Variants in ABCA12 observed in about 807,000 individuals in gnomAD.
ABCA12 encodes glucosylceramide transporter ABCA12.
In ABCA12, 156 loss-of-function variants were observed where a neutral mutation model predicts 293.5. The ratio of observed to expected loss-of-function variants is 0.53; its 90% confidence interval spans 0.47 to 0.61. The LOEUF (loss-of-function observed/expected upper bound fraction) is 0.61, where lower values mean the gene tolerates loss of function less well. Among genes scored for constraint, ABCA12 ranks in the 20% least tolerant of loss-of-function variants. The pLI is 0.00. For missense variants in ABCA12, 2,797 were observed against 3,090.2 expected (o/e 0.91, Z 2.25); for synonymous variants, 1,063 against 1,108.0 (o/e 0.96, Z 0.81).
intron 1 of ABCA12, among the ~76,000 whole-genome samples, chr2:215,123,184 T>C (rs1702844671): frequency 6.6e-6 from 1 of 152,150 alleles, no homozygotes; most frequent in African/African-American, 2.4e-5. Context: ...TCTTTTTGTC[T>C]CTTTTTTAAG....
intron 2 of ABCA12, among the ~76,000 whole-genome samples, chr2:215,086,857 C>G (rs1046792129): frequency 3.9e-5 from 6 of 152,092 alleles, no homozygotes; most frequent in African/African-American, 1.4e-4. Flanking sequence ...GTAAACACAC[C>G]AACTGCCAAC....
intron 2 of ABCA12, among the ~76,000 whole-genome samples, chr2:215,083,403 A>G (rs985638711): frequency 6.6e-6 from 1 of 152,192 alleles, no homozygotes; most frequent in African/African-American, 2.4e-5. Flanking sequence ...AGGGTTCAGT[A>G]CGAAGGTATC....
intron 3 of ABCA12, among the ~76,000 whole-genome samples, chr2:215,063,164 T>C (rs1308473776): frequency 6.6e-6 from 1 of 152,012 alleles, no homozygotes; most frequent in Admixed American, 6.6e-5. Flanking sequence ...CATGTTTATA[T>C]TTTTTGATAA....
At position 215,054,583 on chromosome 2, in the gene ABCA12, A is replaced by G. The variant is rs1701383751; in HGVS notation, c.399T>C (p.His133=). Residue 133 remains histidine, a synonymous_variant, in exon 4 of 53, where the codon CAT becomes CAC. Transcript: ENST00000272895. ...FQSTQVPERR[H]ASLATVFPSP... ...AAGAAAATAGCTTACCTAGTGATGC[A>G]TGCCTTCTTTCTGGAACTTGGGTGC... 1 of 1,611,336 alleles carries G rather than the reference A, an allele frequency of 6.2e-7. No homozygotes were observed. Among genetic ancestry groups the G allele is most frequent in the African/African-American group, 1.3e-5 (1 of 74,756 alleles).
intron 10 of ABCA12, among the ~76,000 whole-genome samples, chr2:215,026,176 T>C (rs4673933): frequency 1.3e-5 from 2 of 152,306 alleles, no homozygotes; most frequent in Admixed American, 6.5e-5. Flanking sequence ...AAGTCTGGAC[T>C]TAAATATTTG....
At chr2:215,059,468 CTCTTA>C (rs1701485613) in intron 3 of ABCA12, among the ~76,000 whole-genome samples, 1 of 151,984 alleles carries the variant, frequency 6.6e-6, no homozygotes, top group African/African-American at 2.4e-5. Flanking sequence ...AAACATATAT[CTCTTA>C]TAAGTGGCCC....
chr2:215,024,902 A>G (rs979608756), intron 11 of ABCA12, among the ~76,000 whole-genome samples: 1 of 152,152 alleles, frequency 6.6e-6, no homozygotes, highest in Admixed American at 6.5e-5. Flanking sequence ...TAGACAAATA[A>G]GCATAAAGTT....
intron 2 of ABCA12, among the ~76,000 whole-genome samples, chr2:215,110,263 C>A (rs543667918): frequency 2.0e-5 from 3 of 152,328 alleles, no homozygotes; most frequent in South Asian, 2.1e-4. Context: ...GTAATCCCAG[C>A]ACTTTGGGAG....
intron 19 of ABCA12, among the ~76,000 whole-genome samples, chr2:215,005,655 T>C (rs977646888): frequency 4.6e-5 from 7 of 152,210 alleles, no homozygotes; most frequent in African/African-American, 1.7e-4. Context: ...TTAGTTGCAA[T>C]CTGGAGACAA....
At chr2:214,948,898 A>C (rs1698664089) in intron 46 of ABCA12, 142 bp downstream of exon 46, 2 of 1,175,182 alleles carry the variant, frequency 1.7e-6, no homozygotes, top group Admixed American at 3.9e-5. Flanking sequence ...AAACATTTAA[A>C]CATTTCCACC....
intron 23 of ABCA12, among the ~76,000 whole-genome samples, chr2:214,995,099 T>C (rs1209923832): frequency 1.3e-5 from 2 of 152,214 alleles, no homozygotes; most frequent in Non-Finnish European, 2.9e-5. Flanking sequence ...TTTTATACTA[T>C]GGGCTTACTT....
intron 9 of ABCA12, among the ~76,000 whole-genome samples, chr2:215,027,860 A>G (rs1257245267): frequency 6.6e-6 from 1 of 152,090 alleles, no homozygotes. Context: ...TCTCTAATCA[A>G]CCAATTTAGT....
At chr2:214,993,250 C>T (rs1046485913) in intron 23 of ABCA12, among the ~76,000 whole-genome samples, 13 of 152,098 alleles carry the variant, frequency 8.5e-5, no homozygotes, top group Non-Finnish European at 1.6e-4. Context: ...GGCCCTGTCA[C>T]CATTTGTAGT....
At chr2:214,992,656 G>A (rs1559135491) in intron 23 of ABCA12, among the ~76,000 whole-genome samples, 1 of 150,796 alleles carries the variant, frequency 6.6e-6, no homozygotes, top group Non-Finnish European at 1.5e-5. Context: ...GAGGTCAGGA[G>A]TTCCACACCA....
At chr2:215,017,814 C>T in intron 14 of ABCA12, 194 bp downstream of exon 14, 1 of 663,710 alleles carries the variant, frequency 1.5e-6, no homozygotes, top group Admixed American at 2.8e-5. Flanking sequence ...AGAAAAGGGA[C>T]ACATAGTGAT....
At position 214,987,748 on chromosome 2, in the gene ABCA12, G is replaced by A; in HGVS notation, c.3875C>T (p.Ser1292Phe). 1 of 1,613,964 alleles carries A rather than the reference G, an allele frequency of 6.2e-7. No homozygotes were observed. The highest frequency in any genetic ancestry group is 1.3e-5 in the African/African-American group (1 of 75,010). ...ACACCCAAATCGCTCCTTCCAATAG[G>A]AAGGAAGAATTGGAAAATACCAGGG... ...AAPWYFPILP[S>F]YWKERFGCAE... The change falls in exon 27 of 53, where the codon TCC becomes TTC. Residue 1292 changes from serine (S) to phenylalanine (F), a missense_variant. Coordinates refer to ENST00000272895, the MANE Select transcript of ABCA12 (RefSeq NM_173076.3).
intron 2 of ABCA12, among the ~76,000 whole-genome samples, chr2:215,106,287 ATCC>A (rs1334094293): frequency 6.6e-6 from 1 of 151,954 alleles, no homozygotes; most frequent in East Asian, 1.9e-4. Flanking sequence ...AACAATTTCA[ATCC>A]TCCTTCTCAC....
At position 214,954,040 on chromosome 2, in the gene ABCA12, T is replaced by C; in HGVS notation, c.6461A>G (p.Tyr2154Cys). 6.2e-7 allele frequency: 1 copy of C among 1,614,070 alleles called. No homozygotes were observed. The highest frequency in any genetic ancestry group is 8.5e-7 in the Non-Finnish European group (1 of 1,179,978). The change falls in exon 44 of 53, where the codon TAC becomes TGC. Residue 2154 changes from tyrosine to cysteine, a missense_variant. By Grantham distance (194) the Tyr-to-Cys change is radical. Transcript: ENST00000272895. ...TTGTTGAGAAAGTTCAATCAAACCGTAGCCAAAACAGAATTGTGGGAAAAT... is the reference window on the plus strand; with the variant it reads ...TTGTTGAGAAAGTTCAATCAAACCGCAGCCAAAACAGAATTGTGGGAAAAT... ...FLIFPQFCFG[Y>C]GLIELSQQQS...
At chr2:214,967,117 T>C (rs1369245823) in intron 38 of ABCA12, among the ~76,000 whole-genome samples, 164 bp from the exon 39 acceptor site, 2 of 152,150 alleles carry the variant, frequency 1.3e-5, no homozygotes, top group African/African-American at 2.4e-5. Context: ...GTACTGACCA[T>C]AGGCCTATAA....
Sources: allele counts gnomAD v4.1 joint callset (sites outside exome capture counted in the v4.1 genomes callset), GRCh38; gene constraint gnomAD v4.1.1; transcripts MANE v1.5; gene names NCBI Gene and HGNC (gene_info 2026-07-23, HGNC 2026-07-21).